CPB2: variants seen among roughly 807,000 people sequenced by gnomAD.
CPB2 encodes carboxypeptidase B2.
CPB2 carries 54 observed loss-of-function variants against 57.0 expected under a neutral mutation model. The ratio of observed to expected loss-of-function variants is 0.95; its 90% CI spans 0.76 to 1.19. The LOEUF is 1.19. Among genes scored for constraint, CPB2 ranks in the 50% most tolerant of loss-of-function variants. CPB2 has a pLI of 0.00. For synonymous variants in CPB2, 189 were observed against 178.1 expected (o/e 1.06, Z -0.49); for missense variants, 426 against 512.0 (o/e 0.83, Z 1.62).
chr13:46,105,014 A>C lies in CPB2; in HGVS notation c.-5T>G. 1 of 1,613,916 alleles carries C rather than the reference A, an allele frequency of 6.2e-7. No individual in the cohort carries two copies. Among genetic ancestry groups the C allele is most frequent in the Non-Finnish European group, 8.5e-7 (1 of 1,179,852 alleles). ...TGCAAGGCTGCAAAGCTTCATCCCA[A>C]CAGCAATTTTCTGTACAACAAATTT... is the stretch of plus-strand genomic sequence containing the variant. On this transcript the variant is annotated 5_prime_UTR_variant, in exon 1 of 11. Transcript: ENST00000181383.
Position 46,082,568 on chromosome 13 carries a change from A to T in CPB2, c.276-19T>A. 1 of 1,532,186 alleles carries T rather than the reference A, an allele frequency of 6.5e-7. No homozygotes were observed. Among genetic ancestry groups the T allele is most frequent in the Non-Finnish European group, 9.0e-7 (1 of 1,106,088 alleles). 94.9% of individuals were successfully genotyped at this position (1,532,186 alleles called of 1,614,324 possible). ...CAAGACACTAGGTGATGAAACAGAG[A>T]GTGAGCTAGTTTCCAAGCAGAGGGT... On this transcript the variant is annotated intron_variant, in intron 3 of 10. Transcript: ENST00000181383.
chr13:46,095,112 T>A (rs2139418835), intron 1 of CPB2: 1 of 152,290 alleles, frequency 6.6e-6, no homozygotes, highest in South Asian at 2.1e-4. Flanking sequence ...AGCCCTAGCC[T>A]AAGACTAGCT....
At chr13:46,098,682 C>A (rs914959261) in intron 1 of CPB2, 1 of 152,318 alleles carries the variant, frequency 6.6e-6, no homozygotes, top group Admixed American at 6.5e-5. Flanking sequence ...AATCCACACC[C>A]AGTGACTAAT....
At chr13:46,075,210 A>AG (rs2045003786) in intron 5 of CPB2, among the ~76,000 whole-genome samples, 1 of 152,270 alleles carries the variant, frequency 6.6e-6, no homozygotes, top group Admixed American at 6.5e-5. Context: ...CAGGATAGTA[A>AG]GTAAGAAAGC....
At chr13:46,090,598 G>A (rs990609841) in intron 1 of CPB2, among the ~76,000 whole-genome samples, 10 of 151,818 alleles carry the variant, frequency 6.6e-5, no homozygotes, top group African/African-American at 2.2e-4. Context: ...TCCTGACCCC[G>A]TGATCCACCC....
intron 1 of CPB2, among the ~76,000 whole-genome samples, chr13:46,104,584 CT>C (rs754134558): frequency 2.0e-5 from 3 of 152,140 alleles, no homozygotes; most frequent in Admixed American, 6.5e-5. Context: ...CCATAGTTAA[CT>C]TTTTTTATGT....
chr13:46,100,833 T>A (rs933598383), intron 1 of CPB2: 1 of 151,502 alleles, frequency 6.6e-6, no homozygotes, highest in Non-Finnish European at 1.5e-5. Flanking sequence ...AAGGATGGAG[T>A]CGCAAGTGAA....
intron 1 of CPB2, chr13:46,100,186 C>A (rs1356414320): frequency 6.6e-6 from 1 of 151,622 alleles, no homozygotes; most frequent in Non-Finnish European, 1.5e-5. Context: ...CAAATGAGAC[C>A]TCTTAAGAAG....
chr13:46,089,150 C>T (rs2045254061), intron 1 of CPB2, among the ~76,000 whole-genome samples: 1 of 150,790 alleles, frequency 6.6e-6, no homozygotes, highest in African/African-American at 2.4e-5. Flanking sequence ...AAATAGACTT[C>T]TTTTTTTTTC....
At chr13:46,099,511 G>A (rs1229651994) in intron 1 of CPB2, 2 of 152,206 alleles carry the variant, frequency 1.3e-5, no homozygotes, top group South Asian at 2.1e-4. Context: ...AGCTAACCAT[G>A]AGATAGGACA....
intron 3 of CPB2, among the ~76,000 whole-genome samples, chr13:46,082,793 C>T (rs1239076445): frequency 6.6e-6 from 1 of 152,114 alleles, no homozygotes; most frequent in East Asian, 1.9e-4. Context: ...TCAGGACCTC[C>T]ATAAAAACCA....
intron 4 of CPB2, among the ~76,000 whole-genome samples, chr13:46,079,916 G>A (rs186464583): frequency 3.9e-5 from 6 of 152,270 alleles, no homozygotes; most frequent in Admixed American, 2.0e-4. Context: ...ACCAAGTACC[G>A]ACCCTGTCAG....
chr13:46,062,024 G>GT (rs2044780752), intron 8 of CPB2, among the ~76,000 whole-genome samples: 40 of 78,920 alleles, frequency 5.1e-4, no homozygotes, highest in African/African-American at 2.2e-3. Flanking sequence ...CTTTTTATTT[G>GT]GTTTTTTTTT....
rs140403889 is a variant in CPB2 at position 46,092,100 on chromosome 13, C to T, written c.75-4280G>A. ...AACAAATATTGCCCTTGAAATATGA[C>T]GATAGATATATTTTAAATTAGAAAA... is the stretch of plus-strand genomic sequence containing the variant. On this transcript the variant is annotated intron_variant, in intron 1 of 10. Transcript: ENST00000181383. Among the ~76,000 whole-genome samples the T allele has an allele frequency of 8.5e-5, 13 of 152,144 alleles. No individual in the cohort carries two copies. In the East Asian group the frequency reaches 9.6e-4, roughly 11 times the overall value.
At chr13:46,095,866 G>GCC (rs2045357810) in intron 1 of CPB2, among the ~76,000 whole-genome samples, 1 of 143,514 alleles carries the variant, frequency 7.0e-6, no homozygotes, top group South Asian at 2.2e-4. Flanking sequence ...GTGTGACTCT[G>GCC]GCTATAGGAC....
At chr13:46,079,535 C>CAGAAAAAA (rs2045075675) in intron 4 of CPB2, among the ~76,000 whole-genome samples, 1 of 111,010 alleles carries the variant, frequency 9.0e-6, no homozygotes, top group Non-Finnish European at 1.8e-5. Flanking sequence ...AAGGAAAAAG[C>CAGAAAAAA]AAAAAAAAAA....
chr13:46,083,576 C>T (rs1010974783), intron 3 of CPB2, among the ~76,000 whole-genome samples: 2 of 152,146 alleles, frequency 1.3e-5, no homozygotes, highest in African/African-American at 4.8e-5. Flanking sequence ...TATTAGGAGA[C>T]TCCATAAGAA....
At chr13:46,085,004 C>T (rs1441497024) in intron 2 of CPB2, among the ~76,000 whole-genome samples, 2 of 151,946 alleles carry the variant, frequency 1.3e-5, no homozygotes, top group Non-Finnish European at 2.9e-5. Context: ...GCGCCCGCCA[C>T]CACGCCCGGC....
intron 7 of CPB2, among the ~76,000 whole-genome samples, chr13:46,066,626 C>A (rs1473881524): frequency 6.6e-6 from 1 of 152,088 alleles, no homozygotes; most frequent in Non-Finnish European, 1.5e-5. Flanking sequence ...AGGTGCATCA[C>A]AAGGGCAGGA....
Sources: allele counts gnomAD v4.1 joint callset (sites outside exome capture counted in the v4.1 genomes callset), GRCh38; gene constraint gnomAD v4.1.1; transcripts MANE v1.5; gene names NCBI Gene and HGNC (gene_info 2026-07-23, HGNC 2026-07-21).